SNX24: variants seen among roughly 807,000 people sequenced by gnomAD.
SNX24 encodes sorting nexin-24.
SNX24 carries 22 observed loss-of-function variants against 28.7 expected under a neutral mutation model. The observed-to-expected ratio is 0.77, with a 90% CI of 0.55 to 1.10. SNX24 has a LOEUF of 1.10. SNX24 is among the 50% of genes least tolerant of loss of function. SNX24 has a pLI of 0.00. For missense variants in SNX24, 221 were observed against 201.1 expected, an observed-to-expected ratio of 1.10 and a Z score of -0.60; for synonymous variants, 69 against 71.5, an observed-to-expected ratio of 0.96 and a Z score of 0.18.
chr5:122,991,853 T>C (rs1369522940), intron 3 of SNX24, among the ~76,000 whole-genome samples: 2 of 152,182 alleles, frequency 1.3e-5, no homozygotes, highest in East Asian at 1.9e-4. Context: ...TTTGTAAGAA[T>C]TAGTTGAGAT....
intron 1 of SNX24, among the ~76,000 whole-genome samples, chr5:122,894,115 TA>T (rs150806259): frequency 2.0e-3 from 302 of 152,294 alleles, no homozygotes; most frequent in African/African-American, 7.1e-3. Flanking sequence ...AGGCTCTTTT[TA>T]TGAGGTTTTC....
At chr5:122,923,645 C>G (rs1482345962) in intron 1 of SNX24, among the ~76,000 whole-genome samples, 1 of 152,204 alleles carries the variant, frequency 6.6e-6, no homozygotes, top group East Asian at 1.9e-4. Context: ...CAGAGCCCAG[C>G]TGCAGAGCTT....
At chr5:122,922,859 T>C (rs997476098) in intron 1 of SNX24, among the ~76,000 whole-genome samples, 1 of 149,264 alleles carries the variant, frequency 6.7e-6, no homozygotes, top group African/African-American at 2.6e-5. Context: ...CAGAACTCTT[T>C]GTCATTTTAC....
At chr5:122,896,034 AG>A (rs1350844756) in intron 1 of SNX24, among the ~76,000 whole-genome samples, 4 of 152,060 alleles carry the variant, frequency 2.6e-5, no homozygotes, top group Non-Finnish European at 4.4e-5. Context: ...CTGTGATCCC[AG>A]CTACTCGAGA....
chr5:122,870,215 C>T (rs78246823), intron 1 of SNX24, among the ~76,000 whole-genome samples: 2 of 152,156 alleles, frequency 1.3e-5, no homozygotes, highest in Admixed American at 1.3e-4. Flanking sequence ...CTCTATCAAC[C>T]TAAAGATCTT....
chr5:123,002,557 G>A (rs1204472554), intron 6 of SNX24, among the ~76,000 whole-genome samples: 3 of 152,128 alleles, frequency 2.0e-5, no homozygotes, highest in Non-Finnish European at 2.9e-5. Context: ...GCGTGAACCC[G>A]GGAGGCGGAG....
chr5:122,904,302 C>T (rs1336915734), intron 1 of SNX24, among the ~76,000 whole-genome samples: 1 of 152,138 alleles, frequency 6.6e-6, no homozygotes, highest in Non-Finnish European at 1.5e-5. Flanking sequence ...CCTGTCTCAG[C>T]CTCCCCAGTA....
downstream of SNX24, among the ~76,000 whole-genome samples, chr5:123,011,464 A>G (rs1044728491): frequency 2.0e-5 from 3 of 152,214 alleles, no homozygotes; most frequent in Non-Finnish European, 4.4e-5. Context: ...TACCTGGTAA[A>G]TCCTACAGTT....
rs144670761 is a variant in SNX24 at position 122,964,158 on chromosome 5, G to A, written c.249+17999G>A. Among the ~76,000 whole-genome samples, 1,266 of 145,200 alleles carry A rather than the reference G, an allele frequency of 8.7e-3. 22 individuals carry two copies. The highest frequency in any genetic ancestry group is 0.031 in the African/African-American group (1,208 of 39,092). On this transcript the variant is annotated intron_variant, in intron 3 of 6. Transcript: ENST00000261369. ...CTTGGGAGGCTGAGGCAGGAGAATC[G>A]CTTGAACCCAGGAGGTGGAGGTTGC...
At chr5:122,983,015 T>G (rs560645419) in intron 3 of SNX24, 1 of 152,248 alleles carries the variant, frequency 6.6e-6, no homozygotes, top group East Asian at 1.9e-4. Context: ...CTTCTCCAAA[T>G]AGAATTTTGA....
chr5:123,015,336 G>A (rs1233110332), intron 5 of SNX24, among the ~76,000 whole-genome samples: 7 of 152,152 alleles, frequency 4.6e-5, no homozygotes, highest in Admixed American at 6.5e-5. Flanking sequence ...ACATCTTCCC[G>A]GATTCCAGGT....
intron 3 of SNX24, among the ~76,000 whole-genome samples, chr5:122,966,761 A>G (rs1760730734): frequency 6.6e-6 from 1 of 152,204 alleles, no homozygotes; most frequent in Non-Finnish European, 1.5e-5. Flanking sequence ...AAAAAGATAT[A>G]CCACATAGAG....
chr5:123,016,227 T>G (rs943940195), intron 5 of SNX24, among the ~76,000 whole-genome samples: 4 of 152,214 alleles, frequency 2.6e-5, no homozygotes, highest in African/African-American at 9.6e-5. Context: ...GGTTTACTTG[T>G]ACATAGGTAA....
At chr5:122,918,058 C>T (rs867637132) in intron 1 of SNX24, among the ~76,000 whole-genome samples, 7 of 151,792 alleles carry the variant, frequency 4.6e-5, no homozygotes, top group African/African-American at 1.2e-4. Context: ...CCAGCCTGGG[C>T]GACAGAGCGA....
chr5:122,930,785 A>T (rs372246636), intron 1 of SNX24, among the ~76,000 whole-genome samples: 1 of 152,100 alleles, frequency 6.6e-6, no homozygotes, highest in African/African-American at 2.4e-5. Context: ...AAGCAGAATC[A>T]TATCAATACA....
intron 5 of SNX24, among the ~76,000 whole-genome samples, chr5:123,020,328 CCCA>C (rs1242783576): frequency 6.6e-6 from 1 of 152,132 alleles, no homozygotes; most frequent in Non-Finnish European, 1.5e-5. Context: ...GTTAAAAAAT[CCCA>C]CCATTTGCAT....
chr5:122,936,627 A>G (rs977706623), intron 1 of SNX24, 107 bp from the exon 2 acceptor site: 51 of 601,500 alleles, frequency 8.5e-5, no homozygotes, highest in African/African-American at 7.7e-4. Context: ...TTGGGGGATC[A>G]GCTACTGTAA....
intron 3 of SNX24, among the ~76,000 whole-genome samples, chr5:122,975,266 C>A (rs1327939790): frequency 6.6e-6 from 1 of 152,130 alleles, no homozygotes; most frequent in Non-Finnish European, 1.5e-5. Flanking sequence ...TAGCTCAATC[C>A]TCCTTGATTG....
At chr5:122,984,483 G>C (rs867654125) in intron 3 of SNX24, among the ~76,000 whole-genome samples, 1 of 152,156 alleles carries the variant, frequency 6.6e-6, no homozygotes, top group South Asian at 2.1e-4. Flanking sequence ...GCTCAAACTT[G>C]AAGTGGGCAT....
Sources: allele counts gnomAD v4.1 joint callset (sites outside exome capture counted in the v4.1 genomes callset), GRCh38; gene constraint gnomAD v4.1.1; transcripts MANE v1.5; gene names NCBI Gene and HGNC (gene_info 2026-07-23, HGNC 2026-07-21).